PARD3B: variants seen among roughly 807,000 people sequenced by gnomAD.
PARD3B encodes the protein par-3 family cell polarity regulator beta, also known as partitioning defective 3 homolog B.
A neutral mutation model predicts 130.2 loss-of-function variants in PARD3B; 103 were observed. That is an observed-to-expected ratio of 0.79 (90% CI 0.67 to 0.93). The LOEUF is 0.93. Ranked by LOEUF, PARD3B falls within the 40% of genes least tolerant of loss-of-function variation. The pLI, the probability that PARD3B is intolerant of heterozygous loss-of-function variation, is 0.00. For missense variants in PARD3B, 1,609 were observed against 1,499.2 expected (o/e 1.07, Z -1.21); for synonymous variants, 583 against 553.2 (o/e 1.05, Z -0.76).
intron 15 of PARD3B, among the ~76,000 whole-genome samples, chr2:205,195,119 AC>A (rs775854900): frequency 6.6e-6 from 1 of 151,894 alleles, no homozygotes; most frequent in East Asian, 1.9e-4. Flanking sequence ...CATTTTTATT[AC>A]CAAAAACTGT....
chr2:205,338,152 CAAAAAAAAAAA>C lies in PARD3B; in HGVS notation c.2630+36467_2630+36477del, dbSNP rs1159561152. ...TGGGCAACAGAGTGAGACTCCATCT[CAAAAAAAAAAA>C]AAAAAAAAAAAAAAAGGCTTCATGA... is the stretch of plus-strand genomic sequence containing the variant. On this transcript the variant is annotated intron_variant, in intron 18 of 22. Coordinates refer to ENST00000406610, the MANE Select transcript of PARD3B (RefSeq NM_001302769.2). 3.4e-4 allele frequency among the ~76,000 whole-genome samples: 7 copies of C among 20,458 alleles called. No homozygotes were observed. The South Asian group carries it at 0.011, about 33-fold the overall frequency. 13.4% of individuals were successfully genotyped at this position (20,458 alleles called of 152,430 possible).
Position 204,606,839 on chromosome 2 carries a change from A to G in PARD3B, c.120+60720A>G, listed in dbSNP as rs548009796. Among the ~76,000 whole-genome samples, 1 of 152,290 alleles carries G rather than the reference A, an allele frequency of 6.6e-6. No individual in the cohort carries two copies. The highest frequency in any genetic ancestry group is 1.9e-4 in the East Asian group (1 of 5,186). ...GGAGGCTGCTCTGTCCAGGGAGAGT[A>G]AAACAAAATCTTAAAGTAGCAGTTT... On this transcript the variant is annotated intron_variant, in intron 1 of 22. Transcript: ENST00000406610. The surrounding 1 kb of genome is among the most constrained non-coding windows in gnomAD (Gnocchi z 4.0).
rs1278032412 is a variant in PARD3B at position 205,558,373 on chromosome 2, A to G, written c.3260+4970A>G. Reference sequence around the variant, plus strand: ...GGAGAGATCCAGAGATACTGCTAAGATACTCCTATTATCTCAGGACCGGGC... The same window carrying G: ...GGAGAGATCCAGAGATACTGCTAAGGTACTCCTATTATCTCAGGACCGGGC... On this transcript the variant is annotated intron_variant, in intron 22 of 22. Transcript: ENST00000406610. The surrounding 1 kb of genome is among the most constrained non-coding windows in gnomAD (Gnocchi z 4.8). Among the ~76,000 whole-genome samples the G allele has an allele frequency of 1.3e-5, 2 of 152,112 alleles. No individual in the cohort carries two copies. The highest frequency in any genetic ancestry group is 4.8e-5 in the African/African-American group (2 of 41,420).
intron 2 of PARD3B, among the ~76,000 whole-genome samples, chr2:204,904,592 T>C (rs1049761481): frequency 1.3e-5 from 2 of 152,152 alleles, no homozygotes; most frequent in African/African-American, 4.8e-5. Context: ...TTTAAACATC[T>C]TGTAGTTGAG....
At chr2:204,607,620 A>AT (rs2033774150) in intron 1 of PARD3B, among the ~76,000 whole-genome samples, 2 of 151,816 alleles carry the variant, frequency 1.3e-5, no homozygotes, top group Middle Eastern at 3.4e-3. Flanking sequence ...GAAGAAAATT[A>AT]TTTTAAAAAA....
chr2:205,311,404 C>G (rs1208839844), intron 18 of PARD3B, among the ~76,000 whole-genome samples: 2 of 152,058 alleles, frequency 1.3e-5, no homozygotes, highest in Non-Finnish European at 2.9e-5. Flanking sequence ...ATTTGCATTT[C>G]CCTGATGATT....
At chr2:205,477,876 T>C (rs2049080273) in intron 20 of PARD3B, among the ~76,000 whole-genome samples, 1 of 148,884 alleles carries the variant, frequency 6.7e-6, no homozygotes, top group African/African-American at 2.6e-5. Context: ...AATTTTCTTC[T>C]CTAACCTTGG....
At position 205,564,631 on chromosome 2, in the gene PARD3B, T is replaced by C. The variant is rs2053256156; in HGVS notation, c.3260+11228T>C. Among the ~76,000 whole-genome samples, 1 of 152,208 alleles carries C rather than the reference T, an allele frequency of 6.6e-6. No individual in the cohort carries two copies. Among genetic ancestry groups the C allele is most frequent in the African/African-American group, 2.4e-5 (1 of 41,470 alleles). ...CAGACAACTGCGGAAGCATCGCTTC[T>C]ACTGACTCTGCTGCTTCAAGTCCAG... is the stretch of plus-strand genomic sequence containing the variant. On this transcript the variant is annotated intron_variant, in intron 22 of 22. Coordinates refer to ENST00000406610, the MANE Select transcript of PARD3B (RefSeq NM_001302769.2). This position sits in a 1 kb window ranked among gnomAD's most constrained non-coding sequence, Gnocchi z 4.6.
At chr2:205,479,335 T>C (rs1047952580) in intron 20 of PARD3B, among the ~76,000 whole-genome samples, 1 of 152,182 alleles carries the variant, frequency 6.6e-6, no homozygotes, top group Non-Finnish European at 1.5e-5. Context: ...GAACACATCC[T>C]AGGTGAGGGC....
intron 2 of PARD3B, among the ~76,000 whole-genome samples, chr2:204,772,409 A>T (rs1207468371): frequency 1.3e-5 from 2 of 152,112 alleles, no homozygotes; most frequent in African/African-American, 4.8e-5. Flanking sequence ...TTCATAGACA[A>T]GTACAACTGC....
intron 19 of PARD3B, among the ~76,000 whole-genome samples, chr2:205,416,972 C>T (rs952557316): frequency 1.3e-5 from 2 of 152,016 alleles, no homozygotes; most frequent in Admixed American, 1.3e-4. Context: ...GGTACATGTG[C>T]ACAACGTGCA....
chr2:204,929,427 A>T (rs1015264926), intron 2 of PARD3B, among the ~76,000 whole-genome samples: 6 of 152,158 alleles, frequency 3.9e-5, no homozygotes, highest in Non-Finnish European at 8.8e-5. Context: ...ACGTCTTAAC[A>T]TTACTATCTT....
intron 4 of PARD3B, among the ~76,000 whole-genome samples, chr2:205,099,105 C>G (rs1049891462): frequency 6.6e-6 from 1 of 152,142 alleles, no homozygotes; most frequent in Non-Finnish European, 1.5e-5. Flanking sequence ...TTATTTTAGA[C>G]AGCAAAGCCT....
chr2:205,325,274 C>T lies in PARD3B; in HGVS notation c.2630+23573C>T, dbSNP rs1289890336. Among the ~76,000 whole-genome samples the T allele has an allele frequency of 1.3e-5, 2 of 152,142 alleles. No individual in the cohort carries two copies. Among genetic ancestry groups the T allele is most frequent in the African/African-American group, 2.4e-5 (1 of 41,436 alleles). ...AATGTTCAACCTTTATACTTTTATG[C>T]TGCCATAGATAAGTACATAAAATTA... is the stretch of plus-strand genomic sequence containing the variant. On this transcript the variant is annotated intron_variant, in intron 18 of 22. Transcript: ENST00000406610. This position sits in a 1 kb window ranked among gnomAD's most constrained non-coding sequence, Gnocchi z 4.1.
chr2:204,792,013 C>A (rs1241383934), intron 2 of PARD3B, among the ~76,000 whole-genome samples: 2 of 152,162 alleles, frequency 1.3e-5, no homozygotes, highest in East Asian at 3.8e-4. Context: ...ATCACATTTA[C>A]TAAAATGCAT....
At chr2:204,867,120 G>A (rs2045456694) in intron 2 of PARD3B, among the ~76,000 whole-genome samples, 1 of 152,040 alleles carries the variant, frequency 6.6e-6, no homozygotes, top group South Asian at 2.1e-4. Flanking sequence ...TATCAAAACA[G>A]TGCTTTCCTA....
chr2:204,549,652 C>G (rs943026588), intron 1 of PARD3B, among the ~76,000 whole-genome samples: 3 of 152,122 alleles, frequency 2.0e-5, no homozygotes, highest in East Asian at 3.9e-4. Context: ...CTAATCTACT[C>G]TAATCTTTTC....
rs959985818 is a variant in PARD3B at position 204,717,383 on chromosome 2, A to G, written c.222+31101A>G. Among the ~76,000 whole-genome samples, 30 of 152,320 alleles carry G rather than the reference A, an allele frequency of 2.0e-4. 1 individual carries two copies. The South Asian group carries it at 3.1e-3, about 16-fold the overall frequency. On this transcript the variant is annotated intron_variant, in intron 2 of 22. Coordinates refer to ENST00000406610, the MANE Select transcript of PARD3B (RefSeq NM_001302769.2). ...TTCTCCTAATTGAATCCACTTGCAA[A>G]TGCTAGGTAAGAAAATGCCATTTGA...
chr2:205,435,686 A>G (rs1424627881), intron 19 of PARD3B, among the ~76,000 whole-genome samples: 1 of 152,114 alleles, frequency 6.6e-6, no homozygotes, highest in East Asian at 1.9e-4. Flanking sequence ...TTATAAAGTG[A>G]GAAAATGAAG....
Sources: gnomAD v4.1 joint callset for allele counts (sites outside exome capture counted in the v4.1 genomes callset) on GRCh38, gnomAD v4.1.1 for gene constraint, Gnocchi (gnomAD v3.1) non-coding constraint, MANE v1.5 for transcripts, NCBI Gene and HGNC (gene_info 2026-07-23, HGNC 2026-07-21) for gene names.